The following HS3ST5 variants were observed in gnomAD, a reference collection of about 807,000 sequenced individuals.
The protein encoded by HS3ST5 is heparan sulfate glucosamine 3-O-sulfotransferase 5.
A neutral mutation model predicts 25.4 loss-of-function variants in HS3ST5; 10 were observed. The ratio of observed to expected loss-of-function variants is 0.39; its 90% CI spans 0.24 to 0.67. The LOEUF is 0.67. Ranked by LOEUF, HS3ST5 falls within the 30% of genes least tolerant of loss-of-function variation. The pLI is 0.44. For missense variants in HS3ST5, 324 were observed against 420.7 expected (o/e 0.77, Z 2.01); for synonymous variants, 170 against 162.4 (o/e 1.05, Z -0.36).
chr6:114,192,173 T>C (rs996833638), intron 2 of HS3ST5, among the ~76,000 whole-genome samples: 4 of 152,228 alleles, frequency 2.6e-5, no homozygotes, highest in Non-Finnish European at 5.9e-5. Flanking sequence ...CACAGGGTTT[T>C]CTATCACTTT....
chr6:114,330,128 T>A (rs1223043662), intron 1 of HS3ST5, among the ~76,000 whole-genome samples: 1 of 152,170 alleles, frequency 6.6e-6, no homozygotes, highest in Non-Finnish European at 1.5e-5. Context: ...TTCCAGATTT[T>A]TTTTTAAATG....
intron 1 of HS3ST5, among the ~76,000 whole-genome samples, chr6:114,300,553 G>A (rs1407868666): frequency 2.0e-5 from 3 of 152,122 alleles, no homozygotes; most frequent in Non-Finnish European, 1.5e-5. Context: ...CATTGCTGGT[G>A]GGATTATAAA....
chr6:114,091,646 T>C (rs1285455609), intron 3 of HS3ST5, among the ~76,000 whole-genome samples: 1 of 151,772 alleles, frequency 6.6e-6, no homozygotes, highest in East Asian at 1.9e-4. Flanking sequence ...ATTGCGCCAC[T>C]GCACCCAGCC....
rs112892487 is a variant in HS3ST5, at chr6:114,130,592, C to T, written c.-33+37759G>A. On this transcript the variant is annotated intron_variant, in intron 3 of 4. Transcript: ENST00000312719. ...TTACAATTTTTTTTTCTTTTTGAGA[C>T]GGAGTCTTGCTCTGTTGCCCAGGCT... Among the ~76,000 whole-genome samples the T allele has an allele frequency of 5.4e-3, 822 of 151,966 alleles. 9 individuals are homozygous for T. The highest frequency in any genetic ancestry group is 0.019 in the African/African-American group (768 of 41,450).
intron 1 of HS3ST5, among the ~76,000 whole-genome samples, chr6:114,249,712 AGC>A (rs962268050): frequency 6.6e-6 from 1 of 152,210 alleles, no homozygotes; most frequent in Non-Finnish European, 1.5e-5. Flanking sequence ...CTGGGGAGCC[AGC>A]TAAGTCAAGA....
At chr6:114,249,678 C>T (rs1425303417) in intron 1 of HS3ST5, among the ~76,000 whole-genome samples, 1 of 152,172 alleles carries the variant, frequency 6.6e-6, no homozygotes, top group African/African-American at 2.4e-5. Flanking sequence ...AGGCCAAGCC[C>T]CTTTGCCTCC....
At chr6:114,289,794 A>G (rs1774493566) in intron 1 of HS3ST5, among the ~76,000 whole-genome samples, 1 of 152,174 alleles carries the variant, frequency 6.6e-6, no homozygotes, top group South Asian at 2.1e-4. Context: ...AGCTGAACTC[A>G]GGAAAGTTAA....
chr6:114,202,891 CA>C (rs1429509971), intron 2 of HS3ST5, among the ~76,000 whole-genome samples: 2 of 152,108 alleles, frequency 1.3e-5, no homozygotes, highest in Non-Finnish European at 2.9e-5. Context: ...TCCCTTCTGA[CA>C]AAATGGTGTT....
At chr6:114,249,883 C>A (rs1183911533) in intron 1 of HS3ST5, among the ~76,000 whole-genome samples, 2 of 152,220 alleles carry the variant, frequency 1.3e-5, no homozygotes, top group East Asian at 3.9e-4. Context: ...TTCCAAGGAA[C>A]TTAAATGGGG....
chr6:114,262,376 T>C (rs187127747), intron 1 of HS3ST5, among the ~76,000 whole-genome samples: 4 of 152,212 alleles, frequency 2.6e-5, no homozygotes, highest in African/African-American at 9.6e-5. Flanking sequence ...TGAAATCCCA[T>C]CTCTACTAAA....
At chr6:114,281,514 AT>A (rs1472973818) in intron 1 of HS3ST5, among the ~76,000 whole-genome samples, 1 of 151,906 alleles carries the variant, frequency 6.6e-6, no homozygotes, top group African/African-American at 2.4e-5. Flanking sequence ...TTCCAAGCCT[AT>A]TTTCCAATCA....
intron 3 of HS3ST5, among the ~76,000 whole-genome samples, chr6:114,096,836 TAATTTA>T (rs1775455894): frequency 6.6e-6 from 1 of 152,112 alleles, no homozygotes; most frequent in African/African-American, 2.4e-5. Context: ...AAATGCTCTG[TAATTTA>T]AAGTATATTC....
chr6:114,306,256 T>TATATATGTACACAC (rs756494412), intron 1 of HS3ST5, among the ~76,000 whole-genome samples: 87 of 115,400 alleles, frequency 7.5e-4, no homozygotes, highest in Non-Finnish European at 1.3e-3. Flanking sequence ...TATATATATA[T>TATATATGTACACAC]ACACACACAC....
At chr6:114,066,657 A>T (rs1243096288) in intron 3 of HS3ST5, among the ~76,000 whole-genome samples, 1 of 152,144 alleles carries the variant, frequency 6.6e-6, no homozygotes. Context: ...AAATAAAAAA[A>T]ACAACAAAAA....
At chr6:114,134,579 C>T (rs1271216043) in intron 3 of HS3ST5, among the ~76,000 whole-genome samples, 1 of 152,182 alleles carries the variant, frequency 6.6e-6, no homozygotes, top group African/African-American at 2.4e-5. Flanking sequence ...TCAGCCTAAG[C>T]CGCACGTGGA....
chr6:114,129,251 C>CTTT (rs398048772), intron 3 of HS3ST5, among the ~76,000 whole-genome samples: 23,159 of 97,710 alleles, frequency 0.24, 3,048 homozygotes, highest in Admixed American at 0.31. Flanking sequence ...CAACAAGAAC[C>CTTT]TTTTTTTTTT....
intron 3 of HS3ST5, among the ~76,000 whole-genome samples, chr6:114,120,726 G>T (rs1362227674): frequency 6.6e-6 from 1 of 152,068 alleles, no homozygotes; most frequent in Non-Finnish European, 1.5e-5. Flanking sequence ...GAGAAAAAAA[G>T]GATACTCTTA....
In HS3ST5 at chr6:114,057,123, C is replaced by T. The variant is rs1236735664; in HGVS notation, c.*134G>A. ...AAAAAGAACTGATCTTATATTTGGTCACACACTGCGTATGTACAAATATAC... is the reference window on the plus strand; with the variant it reads ...AAAAAGAACTGATCTTATATTTGGTTACACACTGCGTATGTACAAATATAC... On this transcript the variant is annotated 3_prime_UTR_variant, in exon 5 of 5. Transcript: ENST00000312719. The T allele has an allele frequency of 1.0e-5, 6 of 603,008 alleles. No homozygotes were observed. The highest frequency in any genetic ancestry group is 3.1e-5 in the South Asian group (1 of 32,192). 37.4% of individuals were successfully genotyped at this position (603,008 alleles called of 1,614,324 possible). A position where few individuals can be genotyped will look rare whatever the true frequency, so the allele number is the denominator to read the frequency against.
At position 114,210,733 on chromosome 6, in the gene HS3ST5, G is replaced by GCAATGA. The variant is rs1403155540; in HGVS notation, c.-145+17851_-145+17852insTCATTG. Among the ~76,000 whole-genome samples, 5 of 152,304 alleles carry GCAATGA rather than the reference G, an allele frequency of 3.3e-5. No individual in the cohort carries two copies. In the East Asian group the frequency reaches 9.7e-4, roughly 29 times the overall value. On this transcript the variant is annotated intron_variant, in intron 2 of 4. Coordinates refer to ENST00000312719, the MANE Select transcript of HS3ST5 (RefSeq NM_153612.4). ...TCAGCATTTGCAATGAGCAGTGATT[G>GCAATGA]GCCTTTGCCCAATTCAGGGACAACT...
Sources: allele counts gnomAD v4.1 joint callset (sites outside exome capture counted in the v4.1 genomes callset), GRCh38; gene constraint gnomAD v4.1.1; transcripts MANE v1.5; gene names NCBI Gene and HGNC (gene_info 2026-07-23, HGNC 2026-07-21).